Variants in PCDHA2 observed in about 807,000 individuals in gnomAD.
The protein encoded by PCDHA2 is protocadherin alpha 2.
PCDHA2 carries 58 observed loss-of-function variants against 66.0 expected under a neutral mutation model. That is an observed-to-expected ratio of 0.88 (90% CI 0.71 to 1.09). The LOEUF (loss-of-function observed/expected upper bound fraction) is 1.09, where lower values mean the gene tolerates loss of function less well. Ranked by LOEUF, PCDHA2 falls within the 50% of genes least tolerant of loss-of-function variation. The pLI is 0.00. For synonymous variants in PCDHA2, 634 were observed against 554.0 expected, an observed-to-expected ratio of 1.14 and a Z score of -2.03; for missense variants, 1,267 against 1,242.3, an observed-to-expected ratio of 1.02 and a Z score of -0.30.
intron 1 of PCDHA2, among the ~76,000 whole-genome samples, chr5:140,917,358 C>T (rs2153543502): frequency 6.7e-6 from 1 of 149,798 alleles, no homozygotes; most frequent in East Asian, 1.9e-4. Flanking sequence ...GCTTCTGTTC[C>T]ACTATCTTGC....
In PCDHA2 at chr5:140,796,336, C is replaced by T. The variant is rs782132897; in HGVS notation, c.1372C>T (p.Pro458Ser). 1 of 1,614,070 alleles carries T rather than the reference C, an allele frequency of 6.2e-7. No homozygotes were observed. Among genetic ancestry groups the T allele is most frequent in the South Asian group, 1.1e-5 (1 of 91,084 alleles). Reference sequence around the variant, plus strand: ...CGACAACGCGCCGGCGTTCGCACAGCCTGAGTACACAGTATTCGTGAAGGA... The same window carrying T: ...CGACAACGCGCCGGCGTTCGCACAGTCTGAGTACACAGTATTCGTGAAGGA... ...VNDNAPAFAQ[P>S]EYTVFVKENN... Residue 458 changes from proline (P) to serine (S), a missense_variant, in exon 1 of 4, where the codon CCT becomes TCT. Coordinates refer to ENST00000526136, the MANE Select transcript of PCDHA2 (RefSeq NM_018905.3).
At chr5:140,802,448 C>T (rs782040160) in intron 1 of PCDHA2, 6 of 1,614,080 alleles carry the variant, frequency 3.7e-6, no homozygotes, top group Admixed American at 3.3e-5. Context: ...ACCGCGAGAG[C>T]GTGTCGGCCT....
intron 1 of PCDHA2, among the ~76,000 whole-genome samples, chr5:140,838,200 G>A (rs1223762976): frequency 2.7e-5 from 4 of 149,112 alleles, no homozygotes; most frequent in Non-Finnish European, 4.4e-5. Context: ...TGCAAAATCC[G>A]CCTCTCTGGT....
At chr5:140,935,592 T>C (rs1554210581) in intron 1 of PCDHA2, among the ~76,000 whole-genome samples, 1 of 152,252 alleles carries the variant, frequency 6.6e-6, no homozygotes, top group East Asian at 1.9e-4. Context: ...ACCAGCTAGA[T>C]ACAGAGCTAG....
chr5:140,966,575 A>C (rs2096022921), intron 1 of PCDHA2: 1 of 520,380 alleles, frequency 1.9e-6, no homozygotes, highest in Non-Finnish European at 3.2e-6. Context: ...ATGGGGAGTC[A>C]GCGAGGACGG....
chr5:140,830,340 A>G (rs1554132759), intron 1 of PCDHA2: 16 of 1,613,958 alleles, frequency 9.9e-6, no homozygotes, highest in Non-Finnish European at 1.4e-5. Flanking sequence ...AGCTGGTCGT[A>G]CTCGCAGCAG....
At chr5:140,941,048 T>C (rs1157859382) in intron 1 of PCDHA2, among the ~76,000 whole-genome samples, 1 of 152,138 alleles carries the variant, frequency 6.6e-6, no homozygotes, top group African/African-American at 2.4e-5. Context: ...CAAGTCAAAT[T>C]CCCCAGCAGT....
At position 140,902,128 on chromosome 5, in the gene PCDHA2, A is replaced by T. The variant is rs140093707; in HGVS notation, c.2389-76821A>T. On this transcript the variant is annotated intron_variant, in intron 1 of 3. Transcript: ENST00000526136. ...ATTTTTTTAAAACTGAGATTATATC[A>T]TCTGCAAACAAGGATAATTTGATTT... Among the ~76,000 whole-genome samples the T allele has an allele frequency of 8.6e-3, 1,299 of 150,978 alleles. 13 individuals are homozygous for T. Among genetic ancestry groups the T allele is most frequent in the African/African-American group, 0.03 (1,241 of 41,218 alleles).
intron 1 of PCDHA2, chr5:140,803,428 C>A (rs781912218): frequency 6.2e-7 from 1 of 1,614,170 alleles, no homozygotes; most frequent in Non-Finnish European, 8.5e-7. Context: ...TGCTCCAGCG[C>A]GGTGGGGAGC....
chr5:140,923,641 T>C (rs2081461052), intron 1 of PCDHA2, among the ~76,000 whole-genome samples: 1 of 152,230 alleles, frequency 6.6e-6, no homozygotes. Context: ...CAAAAATCTT[T>C]AGCCTCCCTT....
chr5:140,821,976 C>T, intron 1 of PCDHA2: 1 of 1,614,196 alleles, frequency 6.2e-7, no homozygotes, highest in Non-Finnish European at 8.5e-7. Context: ...GGGTGGCGTC[C>T]AAGGGCCGCG....
chr5:140,895,442 C>T (rs2065008027), intron 1 of PCDHA2, among the ~76,000 whole-genome samples: 1 of 152,148 alleles, frequency 6.6e-6, no homozygotes. Context: ...AGACTCTTTT[C>T]ATGTGCTTAT....
chr5:140,851,644 C>A, intron 1 of PCDHA2: 1 of 913,486 alleles, frequency 1.1e-6, no homozygotes, highest in Non-Finnish European at 1.3e-6. Flanking sequence ...TTCCTTTCTT[C>A]AAGAAGACAT....
chr5:140,938,092 A>G (rs1255638035), intron 1 of PCDHA2, among the ~76,000 whole-genome samples: 4 of 152,034 alleles, frequency 2.6e-5, no homozygotes, highest in African/African-American at 9.7e-5. Context: ...TAGTTTTATT[A>G]TTGTATTTTT....
chr5:140,899,468 G>A (rs1243330987), intron 1 of PCDHA2, among the ~76,000 whole-genome samples: 131 of 152,196 alleles, frequency 8.6e-4, no homozygotes, highest in Admixed American at 2.5e-3. Context: ...TTTGTCTTTG[G>A]TTCTGTTTAT....
At chr5:140,856,659 A>C in intron 1 of PCDHA2, 1 of 1,598,186 alleles carries the variant, frequency 6.3e-7, no homozygotes, top group Non-Finnish European at 8.6e-7. Context: ...CGTGAAGAAA[A>C]TCCTCAGCTA....
rs1190027185 is a variant in PCDHA2, at chr5:140,882,058, C to T, written c.2388+84706C>T. On this transcript the variant is annotated intron_variant, in intron 1 of 3. Transcript: ENST00000526136. ...GAAGACTGAGTCATACTTACACTTA[C>T]ACGTTCATGCGCATGGTGTCGCTCT... is the stretch of plus-strand genomic sequence containing the variant. 1.0e-5 allele frequency: 8 copies of T among 794,854 alleles called. No individual in the cohort carries two copies. The Admixed American group carries it at 2.4e-4, about 24-fold the overall frequency. The allele number at this position is 794,854 out of a possible 1,614,324, so 49.2% of individuals were successfully genotyped here.
In PCDHA2 at chr5:140,802,937, G is replaced by T. The variant is rs782125982; in HGVS notation, c.2388+5585G>T. The T allele has an allele frequency of 2.5e-6, 4 of 1,613,728 alleles. No individual in the cohort carries two copies. The Admixed American group carries it at 5.0e-5, about 20-fold the overall frequency. On this transcript the variant is annotated intron_variant, in intron 1 of 3. Coordinates refer to ENST00000526136, the MANE Select transcript of PCDHA2 (RefSeq NM_018905.3). The stretch of plus-strand genomic sequence containing the variant: ...GCATCGGTGGCGCAGTGAGCGAGCT[G>T]GTGCCGCGGTCAGTGGGTGCGGGCC...
chr5:140,966,982 G>C, intron 1 of PCDHA2: 1 of 1,603,506 alleles, frequency 6.2e-7, no homozygotes, highest in Non-Finnish European at 8.5e-7. Flanking sequence ...TGCGGCGCTT[G>C]GGGCCGGGTT....
Sources: gnomAD v4.1 joint callset for allele counts (sites outside exome capture counted in the v4.1 genomes callset) on GRCh38, gnomAD v4.1.1 for gene constraint, MANE v1.5 for transcripts, NCBI Gene and HGNC (gene_info 2026-07-23, HGNC 2026-07-21) for gene names.